NAV2: variants seen among roughly 807,000 people sequenced by gnomAD.
NAV2 encodes neuron navigator 2, also known as helicase, APC down-regulated 1.
Under a neutral mutation model 223.2 loss-of-function variants are expected in NAV2, and 54 were observed. The observed-to-expected ratio is 0.24, with a 90% CI of 0.19 to 0.30. NAV2 has a LOEUF of 0.30. NAV2 is among the 10% of genes least tolerant of loss of function. NAV2 has a pLI of 1.00. For missense variants in NAV2, 2,806 were observed against 3,147.5 expected (o/e 0.89, Z 2.60); for synonymous variants, 1,279 against 1,239.3 (o/e 1.03, Z -0.67).
Position 19,844,824 on chromosome 11 carries a change from T to G in NAV2, c.438+1901T>G, listed in dbSNP as rs1335003264. 2.1e-3 allele frequency among the ~76,000 whole-genome samples: 294 copies of G among 137,682 alleles called. 1 individual carries two copies. Among genetic ancestry groups the G allele is most frequent in the African/African-American group, 7.2e-3 (250 of 34,572 alleles). The allele number at this position is 137,682 out of a possible 152,430, so 90.3% of individuals were successfully genotyped here. ...GTTTTTGTGTGTGTGAACTGTGTGT[T>G]TTTTTTTTTTTTTAGAACACAAGAA... On this transcript the variant is annotated intron_variant, in intron 3 of 37. Transcript: ENST00000349880.
intron 10 of NAV2, among the ~76,000 whole-genome samples, chr11:19,961,420 G>A (rs2153407562): frequency 6.6e-6 from 1 of 152,288 alleles, no homozygotes; most frequent in East Asian, 1.9e-4. Context: ...GGACAAGGTT[G>A]GGAGTATTTT....
chr11:19,621,989 A>G (rs1233644674), intron 1 of NAV2, among the ~76,000 whole-genome samples: 2 of 152,208 alleles, frequency 1.3e-5, no homozygotes, highest in Non-Finnish European at 2.9e-5. Flanking sequence ...GAACATCTTT[A>G]TCTCTGCCTT....
intron 1 of NAV2, among the ~76,000 whole-genome samples, chr11:19,732,206 A>G (rs1334735932): frequency 6.6e-6 from 1 of 151,606 alleles, no homozygotes; most frequent in East Asian, 1.9e-4. Context: ...TTGCAGTGAG[A>G]CGAAATCATG....
intron 1 of NAV2, among the ~76,000 whole-genome samples, chr11:19,358,829 C>T (rs2133768747): frequency 6.6e-6 from 1 of 152,194 alleles, no homozygotes; most frequent in Non-Finnish European, 1.5e-5. Context: ...TTTAAAAATG[C>T]AATAAGTAAA....
chr11:20,099,838 T>G (rs1206816095), intron 31 of NAV2, among the ~76,000 whole-genome samples: 1 of 152,004 alleles, frequency 6.6e-6, no homozygotes, highest in African/African-American at 2.4e-5. Flanking sequence ...TTTTCCTGTG[T>G]TTATTATTAT....
chr11:19,551,201 A>G (rs2044679235), intron 1 of NAV2, among the ~76,000 whole-genome samples: 1 of 152,270 alleles, frequency 6.6e-6, no homozygotes, highest in South Asian at 2.1e-4. Flanking sequence ...CTGCAGCACC[A>G]TCACTTTCTT....
chr11:19,466,536 A>G (rs1386449), intron 1 of NAV2, among the ~76,000 whole-genome samples: 147,427 of 152,356 alleles, frequency 0.97, 71,521 homozygotes, highest in South Asian at 1. Context: ...AATTGCTTGC[A>G]TGATGCAGAG....
intron 2 of NAV2, 127 bp from the exon 3 acceptor site, chr11:19,842,744 A>C: frequency 2.9e-6 from 2 of 691,222 alleles, no homozygotes; most frequent in Non-Finnish European, 2.5e-6. Flanking sequence ...AGTATTTCAC[A>C]TGCCTGCACT....
At chr11:19,886,794 C>A (rs2041029603) in intron 5 of NAV2, among the ~76,000 whole-genome samples, 1 of 152,186 alleles carries the variant, frequency 6.6e-6, no homozygotes, top group African/African-American at 2.4e-5. Context: ...GGCGTGTCAA[C>A]CCTGTCCTGA....
chr11:19,408,015 C>G (rs1186785548), intron 1 of NAV2, among the ~76,000 whole-genome samples: 2 of 152,124 alleles, frequency 1.3e-5, no homozygotes, highest in East Asian at 1.9e-4. Flanking sequence ...CCGTGCTGAC[C>G]TGGGACTTTG....
chr11:19,911,130 G>T (rs1013757394), intron 6 of NAV2, among the ~76,000 whole-genome samples: 3 of 151,328 alleles, frequency 2.0e-5, no homozygotes, highest in Non-Finnish European at 4.4e-5. Context: ...AACTCTGTTG[G>T]CTATATGGTG....
chr11:19,602,717 C>T (rs1264591296), intron 1 of NAV2, among the ~76,000 whole-genome samples: 1 of 152,204 alleles, frequency 6.6e-6, no homozygotes, highest in Non-Finnish European at 1.5e-5. Flanking sequence ...CAGCATCACT[C>T]CAATCTCTGC....
intron 6 of NAV2, among the ~76,000 whole-genome samples, chr11:19,911,288 GGAA>G (rs2043293267): frequency 6.6e-6 from 1 of 152,164 alleles, no homozygotes; most frequent in South Asian, 2.1e-4. Flanking sequence ...GGAGGAGTCA[GGAA>G]GATATCCTGG....
At chr11:20,015,017 G>A (rs1355020154) in intron 11 of NAV2, among the ~76,000 whole-genome samples, 2 of 152,290 alleles carry the variant, frequency 1.3e-5, no homozygotes, top group Non-Finnish European at 2.9e-5. Flanking sequence ...GATTGCTTGA[G>A]CCCAGGAGTT....
At chr11:19,873,775 T>C (rs2062677023) in intron 4 of NAV2, among the ~76,000 whole-genome samples, 1 of 152,164 alleles carries the variant, frequency 6.6e-6, no homozygotes, top group Non-Finnish European at 1.5e-5. Context: ...AGGGTCCCCA[T>C]AGGCTCTGCT....
chr11:20,095,530 T>A, intron 29 of NAV2, 142 bp from the exon 30 acceptor site: 1 of 649,236 alleles, frequency 1.5e-6, no homozygotes, highest in Non-Finnish European at 2.8e-6. Flanking sequence ...TCCACCTAAG[T>A]TATACCTGGT....
rs562029344 is a variant in NAV2 at position 19,513,338 on chromosome 11, T to C, written c.75+162311T>C. 1.4e-3 allele frequency among the ~76,000 whole-genome samples: 207 copies of C among 152,340 alleles called. 1 individual carries two copies. Among genetic ancestry groups the C allele is most frequent in the South Asian group, 4.8e-3 (23 of 4,824 alleles). On this transcript the variant is annotated intron_variant, in intron 1 of 37. Coordinates refer to the NAV2 transcript ENST00000360655. ...ATGACCCCAATCTTTGCAGTGGTTA[T>C]TTGCATGGAAAACTGTAGAGTAGGG...
chr11:19,880,028 C>T lies in NAV2; in HGVS notation c.671C>T (p.Thr224Ile), dbSNP rs2063101824. ...GCCCCCTCCCAGTGCCAGGCTGGCA[C>T]CCCTCAGCAGCAGGTGCCAGTCACT... Reference protein sequence around the residue: ...AGAPSQCQAGTPQQQVPVTPQ... With the variant: ...AGAPSQCQAGIPQQQVPVTPQ... The change falls in exon 5 of 38, where the codon ACC becomes ATC. Residue 224 changes from threonine to isoleucine, a missense_variant. By Grantham distance (89) the Thr-to-Ile change is moderately conservative. Around this residue, in one of 4 missense-constraint regions of NAV2, gnomAD observed 1,167 missense variants for 1,180.5 expected, o/e 0.99. Coordinates refer to ENST00000349880, the MANE Select transcript of NAV2 (RefSeq NM_145117.5). 5.0e-6 allele frequency: 8 copies of T among 1,613,650 alleles called. No homozygotes were observed. Among genetic ancestry groups the T allele is most frequent in the African/African-American group, 1.3e-5 (1 of 74,932 alleles).
At chr11:19,782,256 A>G (rs2056808141) in intron 1 of NAV2, among the ~76,000 whole-genome samples, 1 of 152,214 alleles carries the variant, frequency 6.6e-6, no homozygotes, top group East Asian at 1.9e-4. Flanking sequence ...GCCTTGATGT[A>G]CTTTCCTGAA....
Sources: allele counts gnomAD v4.1 joint callset (sites outside exome capture counted in the v4.1 genomes callset), GRCh38; gene constraint gnomAD v4.1.1; regional missense constraint gnomAD v4.1.1; transcripts MANE v1.5; gene names NCBI Gene and HGNC (gene_info 2026-07-23, HGNC 2026-07-21).